Variants in PBK observed in about 807,000 individuals in gnomAD.
The protein encoded by PBK is PDZ binding kinase, also known as lymphokine-activated killer T-cell-originated protein kinase.
A neutral mutation model predicts 33.5 loss-of-function variants in PBK; 22 were observed. The observed-to-expected ratio is 0.66, with a 90% CI of 0.47 to 0.94. The LOEUF is 0.94. PBK is among the 40% of genes least tolerant of loss of function. The pLI, the probability that PBK is intolerant of heterozygous loss-of-function variation, is 0.00. For missense variants in PBK, 376 were observed against 383.4 expected, an observed-to-expected ratio of 0.98 and a Z score of 0.16; for synonymous variants, 129 against 123.8, an observed-to-expected ratio of 1.04 and a Z score of -0.28.
intron 6 of PBK, chr8:27,811,450 T>A (rs986858444): frequency 2.1e-6 from 1 of 465,412 alleles, no homozygotes; most frequent in Non-Finnish European, 3.9e-6. Flanking sequence ...TTCAAAGACA[T>A]GTGTGTGCAA....
At chr8:27,819,474 C>T (rs1035218645) in intron 6 of PBK, among the ~76,000 whole-genome samples, 9 of 151,908 alleles carry the variant, frequency 5.9e-5, no homozygotes, top group African/African-American at 1.9e-4. Flanking sequence ...AAAAATTATT[C>T]GGAAGTGTTT....
intron 7 of PBK, 137 bp downstream of exon 7, chr8:27,810,821 T>G (rs1280149380): frequency 2.0e-5 from 13 of 656,462 alleles, no homozygotes; most frequent in African/African-American, 3.6e-5. Context: ...TCAATCTATG[T>G]CTCATTTGTG....
At chr8:27,827,109 T>C (rs1449853977) in intron 3 of PBK, among the ~76,000 whole-genome samples, 20 of 152,242 alleles carry the variant, frequency 1.3e-4, no homozygotes, top group Admixed American at 1.3e-3. Context: ...CATTTCTATC[T>C]GGAAACAATG....
chr8:27,821,507 G>A (rs967702820), intron 5 of PBK, among the ~76,000 whole-genome samples: 1 of 152,138 alleles, frequency 6.6e-6, no homozygotes, highest in Admixed American at 6.5e-5. Flanking sequence ...TGATCTGCCT[G>A]CCTTGGCCTC....
At chr8:27,815,659 G>A (rs1001699735) in intron 6 of PBK, among the ~76,000 whole-genome samples, 8 of 152,132 alleles carry the variant, frequency 5.3e-5, no homozygotes, top group African/African-American at 1.7e-4. Context: ...TTCCTACAAG[G>A]ATCCATCAGG....
intron 6 of PBK, among the ~76,000 whole-genome samples, chr8:27,817,850 C>A (rs1805847764): frequency 6.6e-6 from 1 of 152,144 alleles, no homozygotes; most frequent in Non-Finnish European, 1.5e-5. Context: ...CTTTCTAGAG[C>A]AGTATTGTTC....
chr8:27,810,707 T>C (rs917091660), intron 7 of PBK, among the ~76,000 whole-genome samples: 2 of 152,156 alleles, frequency 1.3e-5, no homozygotes, highest in African/African-American at 4.8e-5. Flanking sequence ...CCCCTACTTT[T>C]ACCCTTCCTG....
At chr8:27,830,273 A>C (rs1378911286) in intron 2 of PBK, among the ~76,000 whole-genome samples, 1 of 151,846 alleles carries the variant, frequency 6.6e-6, no homozygotes, top group Non-Finnish European at 1.5e-5. Context: ...GACAAATCTT[A>C]AAAATGTGCT....
chr8:27,831,933 G>A (rs1385902974), intron 2 of PBK, among the ~76,000 whole-genome samples: 1 of 151,882 alleles, frequency 6.6e-6, no homozygotes, highest in Non-Finnish European at 1.5e-5. Context: ...CCAATTTAAG[G>A]AGGAATAATA....
chr8:27,828,069 G>T (rs1478936257), intron 3 of PBK, 36 bp downstream of exon 3: 1 of 944,196 alleles, frequency 1.1e-6, no homozygotes, highest in Non-Finnish European at 1.7e-6. Flanking sequence ...AATTATAGTT[G>T]CATGAAAAAA....
At chr8:27,813,181 A>G (rs1805730649) in intron 6 of PBK, among the ~76,000 whole-genome samples, 1 of 152,250 alleles carries the variant, frequency 6.6e-6, no homozygotes, top group Admixed American at 6.5e-5. Flanking sequence ...ACATGGATGC[A>G]GCTGGAAACC....
At chr8:27,828,531 G>A (rs182718608) in intron 2 of PBK, among the ~76,000 whole-genome samples, 1 of 152,146 alleles carries the variant, frequency 6.6e-6, no homozygotes, top group East Asian at 1.9e-4. Flanking sequence ...TTTGGAGTCC[G>A]GGGCAGGAGG....
intron 1 of PBK, among the ~76,000 whole-genome samples, chr8:27,836,112 T>A (rs1322313033): frequency 6.6e-6 from 1 of 152,152 alleles, no homozygotes; most frequent in African/African-American, 2.4e-5. Context: ...TATTTGAGTT[T>A]AAAGTGGTCA....
intron 1 of PBK, among the ~76,000 whole-genome samples, 177 bp from the exon 2 acceptor site, chr8:27,833,310 G>C (rs1806165706): frequency 6.6e-6 from 1 of 152,100 alleles, no homozygotes; most frequent in South Asian, 2.1e-4. Flanking sequence ...GGGAGTTCGA[G>C]ACCAGCCCGA....
At chr8:27,815,632 A>G (rs965594895) in intron 6 of PBK, among the ~76,000 whole-genome samples, 2 of 152,218 alleles carry the variant, frequency 1.3e-5, no homozygotes, top group Non-Finnish European at 2.9e-5. Context: ...GTACACATAC[A>G]TTCTAAGTAG....
chr8:27,836,576 G>A (rs1159117380), intron 1 of PBK, among the ~76,000 whole-genome samples: 1 of 151,932 alleles, frequency 6.6e-6, no homozygotes, highest in African/African-American at 2.4e-5. Flanking sequence ...GGGCATCCAA[G>A]CATGAGAAAT....
chr8:27,828,199 C>G lies in PBK; in HGVS notation c.59-1G>C. 1 of 1,385,866 alleles carries G rather than the reference C, an allele frequency of 7.2e-7. No individual in the cohort carries two copies. Among genetic ancestry groups the G allele is most frequent in the Non-Finnish European group, 1.0e-6 (1 of 992,626 alleles). 85.8% of individuals were successfully genotyped at this position (1,385,866 alleles called of 1,614,324 possible). ...TTTATAGTTGGAGTTGAACATAATA[C>G]TAAATGTCAGAGAAATAAAAAATAA... On this transcript the variant is annotated splice_acceptor_variant, in intron 2 of 7. Coordinates refer to ENST00000301905, the MANE Select transcript of PBK (RefSeq NM_018492.4). LOFTEE classifies it high-confidence loss of function.
At chr8:27,827,694 C>G (rs1345661143) in intron 3 of PBK, among the ~76,000 whole-genome samples, 1 of 152,124 alleles carries the variant, frequency 6.6e-6, no homozygotes, top group East Asian at 1.9e-4. Flanking sequence ...AAATCTTTTA[C>G]TTCTTTTAGA....
rs181475645 is a variant in PBK, at chr8:27,826,347, C to A, written c.152+1758G>T. 7.0e-4 allele frequency among the ~76,000 whole-genome samples: 107 copies of A among 152,204 alleles called. 1 individual carries two copies. The highest frequency in any genetic ancestry group is 1.2e-3 in the Non-Finnish European group (84 of 68,016). On this transcript the variant is annotated intron_variant, in intron 3 of 7. Coordinates refer to ENST00000301905, the MANE Select transcript of PBK (RefSeq NM_018492.4). ...TGTGCACCGATTCATGGGGAGCTAC[C>A]AGATGTCCTAAATGAAAACGGGATG...
Sources: gnomAD v4.1 joint callset for allele counts (sites outside exome capture counted in the v4.1 genomes callset) on GRCh38, gnomAD v4.1.1 for gene constraint, MANE v1.5 for transcripts, NCBI Gene and HGNC (gene_info 2026-07-23, HGNC 2026-07-21) for gene names.